TACR1: variants seen among roughly 807,000 people sequenced by gnomAD.
TACR1 encodes tachykinin receptor 1, also known as substance-P receptor.
Under a neutral mutation model 35.8 loss-of-function variants are expected in TACR1, and 25 were observed. The ratio of observed to expected loss-of-function variants is 0.70; its 90% CI spans 0.51 to 0.98. The LOEUF (loss-of-function observed/expected upper bound fraction) is 0.98, where lower values mean the gene tolerates loss of function less well. Ranked by LOEUF, TACR1 falls within the 50% of genes least tolerant of loss-of-function variation. The pLI is 0.00. For missense variants in TACR1, 478 were observed against 522.9 expected (o/e 0.91, Z 0.84); for synonymous variants, 195 against 206.7 (o/e 0.94, Z 0.48).
intron 1 of TACR1, among the ~76,000 whole-genome samples, chr2:75,171,626 G>A (rs1464868956): frequency 2.0e-5 from 3 of 152,220 alleles, no homozygotes; most frequent in South Asian, 4.1e-4. Flanking sequence ...ACTGTACCCT[G>A]CAAAGCCACA....
chr2:75,116,649 C>T (rs1203916861), intron 2 of TACR1, among the ~76,000 whole-genome samples: 1 of 152,162 alleles, frequency 6.6e-6, no homozygotes, highest in African/African-American at 2.4e-5. Flanking sequence ...TGGCTTATGC[C>T]TGCAATCCCA....
chr2:75,159,228 A>G (rs1305377785), intron 1 of TACR1, among the ~76,000 whole-genome samples: 1 of 152,172 alleles, frequency 6.6e-6, no homozygotes, highest in Non-Finnish European at 1.5e-5. Flanking sequence ...TACGTTATTT[A>G]AAGTGTTAAA....
intron 1 of TACR1, among the ~76,000 whole-genome samples, chr2:75,146,277 T>C (rs549252078): frequency 2.6e-5 from 4 of 152,204 alleles, no homozygotes; most frequent in South Asian, 2.1e-4. Flanking sequence ...CATGTGCCAC[T>C]ATGCCTGGCT....
intron 1 of TACR1, among the ~76,000 whole-genome samples, chr2:75,153,344 A>G (rs988393454): frequency 1.3e-5 from 2 of 152,234 alleles, no homozygotes; most frequent in Admixed American, 1.3e-4. Context: ...AAGGCATCCA[A>G]GCCTCAGTGG....
rs564521132 is a variant in TACR1 at position 75,190,264 on chromosome 2, A to G, written c.389+8282T>C. Among the ~76,000 whole-genome samples the G allele has an allele frequency of 3.5e-4, 53 of 152,344 alleles. No individual in the cohort carries two copies. In the South Asian group the frequency reaches 4.4e-3, roughly 13 times the overall value. On this transcript the variant is annotated intron_variant, in intron 1 of 4. Coordinates refer to ENST00000305249, the MANE Select transcript of TACR1 (RefSeq NM_001058.4). ...GGGTGGTGACTTTGTGACATAAAGG[A>G]TTGGAAATGAATGCTTAGGGGATGG... is the stretch of plus-strand genomic sequence containing the variant.
At chr2:75,075,271 G>A (rs183414797) in intron 2 of TACR1, among the ~76,000 whole-genome samples, 1 of 152,328 alleles carries the variant, frequency 6.6e-6, no homozygotes, top group African/African-American at 2.4e-5. Context: ...GACAATACCA[G>A]GTGTTGGTAT....
chr2:75,122,625 T>C (rs1673992517), intron 1 of TACR1, among the ~76,000 whole-genome samples: 1 of 152,226 alleles, frequency 6.6e-6, no homozygotes, highest in South Asian at 2.1e-4. Context: ...AGTGGAATTA[T>C]AGGAACAGAC....
intron 1 of TACR1, among the ~76,000 whole-genome samples, chr2:75,181,972 A>G (rs1199235923): frequency 6.6e-6 from 1 of 152,216 alleles, no homozygotes; most frequent in Admixed American, 6.5e-5. Context: ...TGCTTTTCTT[A>G]ACAAGAAGCC....
At chr2:75,068,516 G>A (rs1478870824) in intron 2 of TACR1, among the ~76,000 whole-genome samples, 1 of 152,174 alleles carries the variant, frequency 6.6e-6, no homozygotes, top group East Asian at 1.9e-4. Context: ...AAGCATTCTA[G>A]TAACAATAAT....
At chr2:75,155,970 A>G (rs1674839846) in intron 1 of TACR1, among the ~76,000 whole-genome samples, 1 of 152,246 alleles carries the variant, frequency 6.6e-6, no homozygotes, top group African/African-American at 2.4e-5. Flanking sequence ...TTTTTAAATG[A>G]TTGAAAAAAA....
In TACR1 at chr2:75,049,674, C is replaced by T. The variant is rs78966502; in HGVS notation, c.982G>A (p.Ala328Thr). ...HAFRCCPFIS[A>T]GDYEGLEMKS... is the part of the protein sequence containing the mutation. Reference sequence around the variant, plus strand: ...ATTTCCAGCCCCTCATAGTCGCCGGCGCTGATGAAGGGGCAGCACCGGAAG... The same window carrying T: ...ATTTCCAGCCCCTCATAGTCGCCGGTGCTGATGAAGGGGCAGCACCGGAAG... Residue 328 changes from alanine to threonine, a missense_variant, in exon 5 of 5, where the codon GCC becomes ACC. Physicochemically the swap from Ala to Thr is moderately conservative, Grantham distance 58 (BLOSUM62 0). Coordinates refer to ENST00000305249, the MANE Select transcript of TACR1 (RefSeq NM_001058.4). 159 of 1,614,080 alleles carry T rather than the reference C, an allele frequency of 9.9e-5. No individual in the cohort carries two copies. The African/African-American group carries it at 1.9e-3, about 19-fold the overall frequency.
intron 1 of TACR1, among the ~76,000 whole-genome samples, chr2:75,140,649 T>C (rs1674383463): frequency 6.6e-6 from 1 of 152,202 alleles, no homozygotes; most frequent in African/African-American, 2.4e-5. Flanking sequence ...CCATCATCAT[T>C]ATCTGTTGAA....
chr2:75,147,657 G>A (rs934768649), intron 1 of TACR1, among the ~76,000 whole-genome samples: 3 of 151,972 alleles, frequency 2.0e-5, no homozygotes, highest in Non-Finnish European at 2.9e-5. Context: ...GAGAAAATGC[G>A]GTGTTTGGTT....
At chr2:75,160,542 ATGAT>A (rs1674981890) in intron 1 of TACR1, among the ~76,000 whole-genome samples, 1 of 152,146 alleles carries the variant, frequency 6.6e-6, no homozygotes, top group Middle Eastern at 3.4e-3. Context: ...GGAATAAAGA[ATGAT>A]TGAGATGAGA....
At chr2:75,052,773 G>A (rs767658829) in intron 3 of TACR1, among the ~76,000 whole-genome samples, 4 of 151,844 alleles carry the variant, frequency 2.6e-5, no homozygotes, top group East Asian at 1.9e-4. Context: ...GTGTGTGTGC[G>A]TGTGTGTGTG....
intron 1 of TACR1, among the ~76,000 whole-genome samples, chr2:75,136,259 G>T (rs1455831885): frequency 6.6e-6 from 1 of 152,162 alleles, no homozygotes; most frequent in Non-Finnish European, 1.5e-5. Context: ...TTGGGAGACA[G>T]GAGTAAGAAG....
chr2:75,069,191 T>C (rs10865407), intron 2 of TACR1, among the ~76,000 whole-genome samples: 37,387 of 151,954 alleles, frequency 0.25, 5,875 homozygotes, highest in African/African-American at 0.41. Flanking sequence ...TGTGAGGACT[T>C]CCCAGCCATG....
intron 1 of TACR1, among the ~76,000 whole-genome samples, chr2:75,161,659 G>C (rs546897276): frequency 6.6e-6 from 1 of 152,130 alleles, no homozygotes; most frequent in South Asian, 2.1e-4. Context: ...GAAAACAGTA[G>C]AGAGAACAAC....
At chr2:75,183,082 TTAGATC>T (rs1270584137) in intron 1 of TACR1, among the ~76,000 whole-genome samples, 1 of 152,104 alleles carries the variant, frequency 6.6e-6, no homozygotes, top group Non-Finnish European at 1.5e-5. Flanking sequence ...CTATAAATAT[TTAGATC>T]TACATTTACA....
Sources: gnomAD v4.1 joint callset for allele counts (sites outside exome capture counted in the v4.1 genomes callset) on GRCh38, gnomAD v4.1.1 for gene constraint, MANE v1.5 for transcripts, NCBI Gene and HGNC (gene_info 2026-07-23, HGNC 2026-07-21) for gene names.